Variants in PCDHGA3 observed in about 807,000 individuals in gnomAD.
PCDHGA3 encodes the protein protocadherin gamma-A3.
PCDHGA3 carries 40 observed loss-of-function variants against 58.5 expected under a neutral mutation model. The observed-to-expected ratio is 0.68, with a 90% confidence interval of 0.53 to 0.89. PCDHGA3 has a LOEUF of 0.89. Ranked by LOEUF, PCDHGA3 falls within the 40% of genes least tolerant of loss-of-function variation. PCDHGA3 has a pLI of 0.00. For synonymous variants in PCDHGA3, 530 were observed against 525.7 expected (o/e 1.01, Z -0.11); for missense variants, 1,223 against 1,195.9 (o/e 1.02, Z -0.33).
At chr5:141,399,862 G>T in intron 1 of PCDHGA3, 1 of 1,612,900 alleles carries the variant, frequency 6.2e-7, no homozygotes, top group South Asian at 1.1e-5. Flanking sequence ...GCGCGCTGCA[G>T]AGCCCGGCTA....
intron 1 of PCDHGA3, chr5:141,413,221 G>A (rs1384304697): frequency 1.2e-6 from 2 of 1,613,452 alleles, no homozygotes; most frequent in East Asian, 2.2e-5. Flanking sequence ...GGATTGCAGC[G>A]GGCTGGTCCT....
At chr5:141,404,692 C>G (rs543452623) in intron 1 of PCDHGA3, 2 of 1,614,080 alleles carry the variant, frequency 1.2e-6, no homozygotes, top group South Asian at 2.2e-5. Context: ...TGGCACCCCG[C>G]TCTGCAGAGC....
chr5:141,346,255 T>A lies in PCDHGA3; in HGVS notation c.2222T>A (p.Val741Glu). Reference sequence around the variant, plus strand: ...GCGAGTACGCCCGGCTCGCACTTTGTGGGCGCGGACGGGGTTCGGGCTTTC... The same window carrying A: ...GCGAGTACGCCCGGCTCGCACTTTGAGGGCGCGGACGGGGTTCGGGCTTTC... ...GLASTPGSHF[V>E]GADGVRAFLQ... Residue 741 changes from valine to glutamate, a missense_variant, in exon 1 of 4, where the codon GTG (valine) becomes GAG (glutamate). Around this residue, in one of 3 missense-constraint regions of PCDHGA3, gnomAD observed 325 missense variants for 327.5 expected, o/e 0.99. Coordinates refer to ENST00000253812, the MANE Select transcript of PCDHGA3 (RefSeq NM_018916.4). The A allele has an allele frequency of 1.5e-5, 24 of 1,614,188 alleles. No individual in the cohort carries two copies. Among genetic ancestry groups the A allele is most frequent in the Non-Finnish European group, 1.9e-5 (23 of 1,180,030 alleles).
intron 1 of PCDHGA3, chr5:141,420,156 AT>A (rs755916873): frequency 6.2e-7 from 1 of 1,613,990 alleles, no homozygotes; most frequent in African/African-American, 1.3e-5. Flanking sequence ...CCAGAATTTA[AT>A]TTTTTCACAT....
intron 1 of PCDHGA3, chr5:141,405,547 G>A (rs2094685057): frequency 1.6e-6 from 1 of 629,986 alleles, no homozygotes; most frequent in Non-Finnish European, 2.7e-6. Context: ...AGCCTCCCAA[G>A]TAGAGTAGCT....
intron 1 of PCDHGA3, chr5:141,394,595 G>A: frequency 6.2e-7 from 1 of 1,613,740 alleles, no homozygotes; most frequent in Non-Finnish European, 8.5e-7. Flanking sequence ...TGGTGGCGGT[G>A]GACAGAGACT....
intron 1 of PCDHGA3, chr5:141,424,561 T>C (rs972361161): frequency 7.9e-5 from 12 of 152,236 alleles, no homozygotes; most frequent in African/African-American, 2.9e-4. Flanking sequence ...TCAGTGCTTC[T>C]CAAAAACCTA....
At chr5:141,346,654 G>C (rs1757787682) in intron 1 of PCDHGA3, 197 bp downstream of exon 1, 1 of 777,668 alleles carries the variant, frequency 1.3e-6, no homozygotes, top group South Asian at 2.0e-5. Context: ...TGGGCTTAGG[G>C]AAAAAATAAT....
rs115607451 is a variant in PCDHGA3, at chr5:141,508,636, A to C, written c.2573-2311A>C. Among the ~76,000 whole-genome samples, 998 of 151,746 alleles carry C rather than the reference A, an allele frequency of 6.6e-3. 12 individuals are homozygous for C. The highest frequency in any genetic ancestry group is 0.023 in the African/African-American group (958 of 41,372). ...ACGTGGGTGGGCCGAGCTTCTAGCT[A>C]CTCCGTCAGGCCCTTCCTGTCATTC... On this transcript the variant is annotated intron_variant, in intron 3 of 3. Transcript: ENST00000253812.
At chr5:141,496,121 C>G (rs1391009290) in intron 2 of PCDHGA3, among the ~76,000 whole-genome samples, 1 of 152,088 alleles carries the variant, frequency 6.6e-6, no homozygotes, top group Non-Finnish European at 1.5e-5. Context: ...TCCTTCCCTG[C>G]CCCTCACACA....
At chr5:141,383,449 A>C (rs1231609078) in intron 1 of PCDHGA3, 1 of 1,613,892 alleles carries the variant, frequency 6.2e-7, no homozygotes, top group South Asian at 1.1e-5. Context: ...GGCTGTGCAA[A>C]GTGGAGACGA....
chr5:141,366,573 C>G (rs1323314760), intron 1 of PCDHGA3: 1 of 1,614,252 alleles, frequency 6.2e-7, no homozygotes, highest in Admixed American at 1.7e-5. Context: ...GGGGTTCGGG[C>G]TTTCCTGCAG....
Position 141,404,830 on chromosome 5 carries a change from G to A in PCDHGA3, c.2424+58373G>A, listed in dbSNP as rs775106144. The A allele has an allele frequency of 3.7e-6, 6 of 1,613,932 alleles. No individual in the cohort carries two copies. In the East Asian group the frequency reaches 1.3e-4, roughly 36 times the overall value. ...CGGTGGGGCTGCACACAGGTGAAGT[G>A]CGCACAGCTCGGGCCCTGCTAGATA... On this transcript the variant is annotated intron_variant, in intron 1 of 3. Coordinates refer to ENST00000253812, the MANE Select transcript of PCDHGA3 (RefSeq NM_018916.4).
In PCDHGA3 at chr5:141,350,942, C is replaced by T. The variant is rs751150104; in HGVS notation, c.2424+4485C>T. ...AAGCGGCACCACCCATATCTGGATC[C>T]GAGTTACGGATGCCAATGATAATGC... On this transcript the variant is annotated intron_variant, in intron 1 of 3. Coordinates refer to ENST00000253812, the MANE Select transcript of PCDHGA3 (RefSeq NM_018916.4). 7 of 1,614,082 alleles carry T rather than the reference C, an allele frequency of 4.3e-6. No homozygotes were observed. The South Asian group carries it at 5.5e-5, about 13-fold the overall frequency.
chr5:141,361,069 G>C, intron 1 of PCDHGA3: 1 of 1,613,910 alleles, frequency 6.2e-7, no homozygotes, highest in Non-Finnish European at 8.5e-7. Flanking sequence ...TTTTGAGATT[G>C]CAAGTAGTTA....
chr5:141,383,832 A>G, intron 1 of PCDHGA3: 1 of 1,613,926 alleles, frequency 6.2e-7, no homozygotes, highest in Non-Finnish European at 8.5e-7. Flanking sequence ...ATTATGAAGA[A>G]ACTGCCTTCT....
intron 1 of PCDHGA3, chr5:141,355,285 G>A: frequency 2.5e-6 from 4 of 1,613,814 alleles, no homozygotes; most frequent in Non-Finnish European, 3.4e-6. Context: ...AATCAGGGCC[G>A]AACAGATTCT....
intron 1 of PCDHGA3, chr5:141,409,203 T>C: frequency 1.2e-6 from 2 of 1,613,964 alleles, no homozygotes; most frequent in Non-Finnish European, 1.7e-6. Flanking sequence ...TGTAAAGTAA[T>C]CATAGAAATC....
rs767396941 is a variant in PCDHGA3 at position 141,357,397 on chromosome 5, G to T, written c.2424+10940G>T. The stretch of plus-strand genomic sequence containing the variant: ...GCTTCACGCTGAAGGCAGCAGGTTG[G>T]CAGGTGTGCCTGCCTCGCACTTTGT... On this transcript the variant is annotated intron_variant, in intron 1 of 3. Transcript: ENST00000253812. 8.7e-6 allele frequency: 14 copies of T among 1,614,242 alleles called. No homozygotes were observed. In the Admixed American group the frequency reaches 2.3e-4, roughly 27 times the overall value.
Sources: allele counts gnomAD v4.1 joint callset (sites outside exome capture counted in the v4.1 genomes callset), GRCh38; gene constraint gnomAD v4.1.1; regional missense constraint gnomAD v4.1.1; transcripts MANE v1.5; gene names NCBI Gene and HGNC (gene_info 2026-07-23, HGNC 2026-07-21).